Variants in IGFLR1 observed in about 807,000 individuals in gnomAD.
The protein encoded by IGFLR1 is IGF like family receptor 1, also known as IGF-like family receptor 1.
In IGFLR1, 17 loss-of-function variants were observed where a neutral mutation model predicts 23.4. The ratio of observed to expected loss-of-function variants is 0.73; its 90% confidence interval spans 0.50 to 1.09. IGFLR1 has a LOEUF of 1.09. Ranked by LOEUF, IGFLR1 falls within the 50% of genes least tolerant of loss-of-function variation. IGFLR1 has a pLI of 0.00. For synonymous variants in IGFLR1, 265 were observed against 210.7 expected (o/e 1.26, Z -2.23); for missense variants, 556 against 459.2 (o/e 1.21, Z -1.93).
chr19:35,740,252 C>T (rs1970134526), intron 3 of IGFLR1, 128 bp downstream of exon 3: 2 of 1,326,336 alleles, frequency 1.5e-6, no homozygotes, highest in African/African-American at 1.5e-5. Flanking sequence ...CTAGGACCTC[C>T]CGACCCCTGC....
Position 35,739,944 on chromosome 19 carries a change from G to T in IGFLR1, c.487C>A (p.Pro163Thr). 1 of 1,614,170 alleles carries T rather than the reference G, an allele frequency of 6.2e-7. No individual in the cohort carries two copies. The highest frequency in any genetic ancestry group is 8.5e-7 in the Non-Finnish European group (1 of 1,180,020). ...VPQQAWPNFL[P>T]LVVLVLLLTL... is the part of the protein sequence containing the mutation. ...AGGAGCAGGACCAGCACCACGAGCG[G>T]AAGGAAATTCGGCCAGGCCTGCTGA... The change falls in exon 4 of 5, where the codon CCG (proline) becomes ACG (threonine). Residue 163 changes from proline (P) to threonine (T), a missense_variant. Coordinates refer to ENST00000246532, the MANE Select transcript of IGFLR1 (RefSeq NM_024660.4).
In IGFLR1 at chr19:35,739,541, AG is replaced by A; in HGVS notation, c.806del (p.Pro269LeufsTer34). Reference sequence around the variant, plus strand: ...CCATACCCCCACCTGGCCCAGGCTCAGGGTCCAGCAGTACAATCAGCTCTTC... The same window carrying A: ...CCATACCCCCACCTGGCCCAGGCTCAGGTCCAGCAGTACAATCAGCTCTTC... ...VLEELIVLLD[P>X]EPGPGGGMAH... is the part of the protein sequence containing the mutation. On this transcript the variant is annotated frameshift_variant, in exon 5 of 5. Transcript: ENST00000246532. LOFTEE classifies it low-confidence loss of function (END_TRUNC). 1.2e-6 allele frequency: 2 copies of A among 1,614,116 alleles called. No individual in the cohort carries two copies. Among genetic ancestry groups the A allele is most frequent in the Non-Finnish European group, 8.5e-7 (1 of 1,180,026 alleles).
intron 1 of IGFLR1, among the ~76,000 whole-genome samples, chr19:35,742,106 TA>T (rs899362709): frequency 6.6e-6 from 1 of 151,810 alleles, no homozygotes. Flanking sequence ...TGAAACTCCT[TA>T]AAAAAAACAA....
chr19:35,740,415 C>A lies in IGFLR1; in HGVS notation c.307G>T (p.Ala103Ser), dbSNP rs767781047. 69 of 1,606,830 alleles carry A rather than the reference C, an allele frequency of 4.3e-5. No individual in the cohort carries two copies. In the South Asian group the frequency reaches 4.4e-4, roughly 10 times the overall value. Residue 103 changes from alanine to serine, a missense_variant, in exon 3 of 5, where the codon GCG (alanine) becomes TCG (serine). By Grantham distance (99) the Ala-to-Ser change is moderately conservative. Transcript: ENST00000246532. ...CGCCACGGGGTTCTGCCCCCGCCCG[C>A]GGCGGGAGTAGGGGTCACGGCTCCG... is the stretch of plus-strand genomic sequence containing the variant. ...GGGAVTPTPA[A>S]GGGRTPWRCR...
rs746473420 is a variant in IGFLR1, at chr19:35,740,390, C to T, written c.332G>A (p.Arg111His). The change falls in exon 3 of 5, where the codon CGC becomes CAC. Residue 111 changes from arginine (R) to histidine (H), a missense_variant. Transcript: ENST00000246532. ...PAAGGGRTPW[R>H]CRERPVPAKG... ...GAGTCCCATCTGCACCTCTCTGCAG[C>T]GCCACGGGGTTCTGCCCCCGCCCGC... The T allele has an allele frequency of 1.7e-5, 27 of 1,595,544 alleles. No homozygotes were observed. The South Asian group carries it at 2.8e-4, about 17-fold the overall frequency.
intron 2 of IGFLR1, chr19:35,740,800 C>A (rs903911556): frequency 1.6e-6 from 1 of 632,942 alleles, no homozygotes; most frequent in Non-Finnish European, 2.7e-6. Flanking sequence ...CCTTTCCACG[C>A]GGCCCCTATC....
intron 2 of IGFLR1, 129 bp downstream of exon 2, chr19:35,740,895 T>A: frequency 1.2e-6 from 1 of 832,474 alleles, no homozygotes. Flanking sequence ...CCCTGTCTGA[T>A]CTGCATAAGG....
rs767373811 is a variant in IGFLR1 at position 35,739,979 on chromosome 19, T to C, written c.452A>G (p.Glu151Gly). The change falls in exon 4 of 5, where the codon GAG (glutamate) becomes GGG (glycine). Residue 151 changes from glutamate to glycine, a missense_variant. Coordinates refer to ENST00000246532, the MANE Select transcript of IGFLR1 (RefSeq NM_024660.4). ...CGGCCAGGCCTGCTGAGGGACAGGC[T>C]CAGGGGTCCTCCAGGCAATGGAACT... is the stretch of plus-strand genomic sequence containing the variant. ...PASSIAWRTP[E>G]PVPQQAWPNF... 1 of 1,614,076 alleles carries C rather than the reference T, an allele frequency of 6.2e-7. No homozygotes were observed. Among genetic ancestry groups the C allele is most frequent in the South Asian group, 1.1e-5 (1 of 91,086 alleles).
Position 35,739,549 on chromosome 19 carries a change from G to A in IGFLR1, c.799C>T (p.Leu267=), listed in dbSNP as rs759612414. 1.2e-6 allele frequency: 2 copies of A among 1,614,098 alleles called. No individual in the cohort carries two copies. Among genetic ancestry groups the A allele is most frequent in the Admixed American group, 3.3e-5 (2 of 60,020 alleles). The change falls in exon 5 of 5, where the codon CTG becomes TTG. Residue 267 remains leucine (L), a synonymous_variant. Transcript: ENST00000246532. ...CCACCTGGCCCAGGCTCAGGGTCCA[G>A]CAGTACAATCAGCTCTTCCAGCACC... ...LEVLEELIVL[L]DPEPGPGGGM...
At chr19:35,742,297 C>G in intron 1 of IGFLR1, 99 bp downstream of exon 1, 1 of 976,100 alleles carries the variant, frequency 1.0e-6, no homozygotes, top group Non-Finnish European at 1.4e-6. Flanking sequence ...GGGGCTAGGG[C>G]TCCTCCCACC....
intron 1 of IGFLR1, chr19:35,741,557 GCC>G (rs1378709423): frequency 4.0e-5 from 9 of 224,300 alleles, no homozygotes; most frequent in African/African-American, 2.3e-4. Context: ...GGTGGCTCAT[GCC>G]TGTAATCCCA....
chr19:35,740,194 C>G (rs1199298224), intron 3 of IGFLR1, 106 bp from the exon 4 acceptor site: 2 of 1,405,102 alleles, frequency 1.4e-6, no homozygotes, highest in South Asian at 1.5e-5. Flanking sequence ...CCATCTGATA[C>G]GGTATCTGAT....
chr19:35,740,255 A>C (rs1599713388), intron 3 of IGFLR1, 125 bp downstream of exon 3: 8 of 1,321,706 alleles, frequency 6.1e-6, no homozygotes, highest in Non-Finnish European at 8.0e-6. Context: ...GGACCTCCCG[A>C]CCCCTGCAGG....
rs1970145186 is a variant in IGFLR1, at chr19:35,740,420, G to A, written c.302C>T (p.Pro101Leu). Residue 101 changes from proline to leucine, a missense_variant, in exon 3 of 5, where the codon CCC (proline) becomes CTC (leucine). Physicochemically the swap from Pro to Leu is moderately conservative, Grantham distance 98. Transcript: ENST00000246532. ...CGGGGTTCTGCCCCCGCCCGCGGCG[G>A]GAGTAGGGGTCACGGCTCCGCCGCC... ...PCGGGAVTPTPAAGGGRTPWR... is the reference protein window; with the variant it reads ...PCGGGAVTPTLAAGGGRTPWR... The A allele has an allele frequency of 6.2e-7, 1 of 1,608,456 alleles. No individual in the cohort carries two copies. Among genetic ancestry groups the A allele is most frequent in the South Asian group, 1.1e-5 (1 of 90,770 alleles).
rs753087085 is a variant in IGFLR1 at position 35,740,536 on chromosome 19, G to A, written c.186C>T (p.Leu62=). The A allele has an allele frequency of 6.2e-7, 1 of 1,610,574 alleles. No homozygotes were observed. The highest frequency in any genetic ancestry group is 8.5e-7 in the Non-Finnish European group (1 of 1,178,872). ...PDYEFRENCG[L]NDHGDFVTPP... Reference sequence around the variant, plus strand: ...GCGTTACGAAATCGCCGTGGTCATTGAGTCCGCAGTTTTCCCGGAACTCAT... The same window carrying A: ...GCGTTACGAAATCGCCGTGGTCATTAAGTCCGCAGTTTTCCCGGAACTCAT... Residue 62 remains leucine, a synonymous_variant, in exon 3 of 5, where the codon CTC becomes CTT. Coordinates refer to ENST00000246532, the MANE Select transcript of IGFLR1 (RefSeq NM_024660.4).
At chr19:35,741,303 C>T in intron 1 of IGFLR1, 80 bp from the exon 2 acceptor site, 1 of 1,427,602 alleles carries the variant, frequency 7.0e-7, no homozygotes. Flanking sequence ...CTTCGGAAGC[C>T]GGGAATCTAC....
At chr19:35,741,442 A>ACCC (rs1970229389) in intron 1 of IGFLR1, 1 of 388,200 alleles carries the variant, frequency 2.6e-6, no homozygotes, top group South Asian at 2.4e-5. Context: ...TCACCCACCC[A>ACCC]CCCTCCCTTT....
rs1381856324 is a variant in IGFLR1 at position 35,740,067 on chromosome 19, GC to G, written c.363del (p.His122ThrfsTer50). The G allele has an allele frequency of 1.9e-6, 3 of 1,613,172 alleles. No homozygotes were observed. The highest frequency in any genetic ancestry group is 2.7e-5 in the African/African-American group (2 of 74,914). On this transcript the variant is annotated frameshift_variant, in exon 4 of 5. Coordinates refer to ENST00000246532, the MANE Select transcript of IGFLR1 (RefSeq NM_024660.4). LOFTEE classifies it high-confidence loss of function. ...GGGTTTCCAGGTGTGAGGGGGCAGT[GC>G]CCCTTGGCAGGGACCGGCCTCTGGG... is the stretch of plus-strand genomic sequence containing the variant. ...RCRERPVPAK[G>X]HCPLTPGNPG...
chr19:35,740,271 C>G (rs1970135845), intron 3 of IGFLR1, 109 bp downstream of exon 3: 1 of 1,364,184 alleles, frequency 7.3e-7, no homozygotes, highest in African/African-American at 1.5e-5. Flanking sequence ...GCAGGCCAGC[C>G]ACCTCCTGAA....
Sources: gnomAD v4.1 joint callset for allele counts (sites outside exome capture counted in the v4.1 genomes callset) on GRCh38, gnomAD v4.1.1 for gene constraint, MANE v1.5 for transcripts, NCBI Gene and HGNC (gene_info 2026-07-23, HGNC 2026-07-21) for gene names.